The following ADGRB3 variants were observed in gnomAD, a reference collection of about 807,000 sequenced individuals.
ADGRB3 encodes the protein brain-specific angiogenesis inhibitor 3.
Under a neutral mutation model 193.4 loss-of-function variants are expected in ADGRB3, and 37 were observed. The ratio of observed to expected loss-of-function variants is 0.19; its 90% CI spans 0.15 to 0.25. The LOEUF (loss-of-function observed/expected upper bound fraction) is 0.25, where lower values mean the gene tolerates loss of function less well. ADGRB3 is among the 10% of genes least tolerant of loss of function. The probability of loss-of-function intolerance (pLI) is 1.00; values close to 1 mark genes in which losing one functional copy is unlikely to be tolerated. For missense variants in ADGRB3, 1,637 were observed against 1,852.9 expected (o/e 0.88, Z 2.14); for synonymous variants, 690 against 644.2 (o/e 1.07, Z -1.08).
chr6:69,132,314 A>T (rs538812653), intron 17 of ADGRB3, among the ~76,000 whole-genome samples: 1 of 152,272 alleles, frequency 6.6e-6, no homozygotes, highest in South Asian at 2.1e-4. Context: ...AATGATTGCC[A>T]TTCTAACTGG....
intron 20 of ADGRB3, among the ~76,000 whole-genome samples, chr6:69,314,671 C>T (rs551699484): frequency 6.6e-6 from 1 of 151,568 alleles, no homozygotes; most frequent in South Asian, 2.1e-4. Flanking sequence ...CCATAACATC[C>T]AAGGGAAAGA....
chr6:68,843,852 A>C (rs2127388333), intron 3 of ADGRB3, among the ~76,000 whole-genome samples: 1 of 152,214 alleles, frequency 6.6e-6, no homozygotes, highest in South Asian at 2.1e-4. Flanking sequence ...AAAATAGACA[A>C]CTCAGAAACA....
At chr6:68,698,982 G>T (rs1415144056) in intron 3 of ADGRB3, among the ~76,000 whole-genome samples, 1 of 151,958 alleles carries the variant, frequency 6.6e-6, no homozygotes, top group Non-Finnish European at 1.5e-5. Flanking sequence ...CTTCAACACA[G>T]ATTTATCTAA....
intron 3 of ADGRB3, among the ~76,000 whole-genome samples, chr6:68,777,703 G>A (rs1309940300): frequency 1.4e-5 from 2 of 146,296 alleles, no homozygotes; most frequent in Non-Finnish European, 3.0e-5. Context: ...TACTAAACAT[G>A]AGCAGATATG....
intron 13 of ADGRB3, among the ~76,000 whole-genome samples, chr6:69,025,221 T>G (rs555991145): frequency 6.6e-6 from 1 of 152,334 alleles, no homozygotes; most frequent in South Asian, 2.1e-4. Flanking sequence ...GATACAATGT[T>G]GACATCTCCT....
chr6:68,811,894 A>G (rs776319578), intron 3 of ADGRB3, among the ~76,000 whole-genome samples: 3 of 152,244 alleles, frequency 2.0e-5, no homozygotes, highest in African/African-American at 4.8e-5. Flanking sequence ...TATACACACA[A>G]TTAATACATT....
intron 16 of ADGRB3, among the ~76,000 whole-genome samples, chr6:69,074,153 TA>T (rs3837011): frequency 0.74 from 111,442 of 150,664 alleles, 42,426 homozygotes; most frequent in East Asian, 0.96. Flanking sequence ...TCTGATTGCT[TA>T]AAAAAAAAAA....
intron 17 of ADGRB3, among the ~76,000 whole-genome samples, chr6:69,091,057 C>G (rs980832189): frequency 2.6e-5 from 4 of 152,160 alleles, no homozygotes; most frequent in African/African-American, 9.7e-5. Flanking sequence ...CACCATTGAT[C>G]TTTAGAGAAA....
At chr6:69,194,154 T>A (rs1456016742) in intron 17 of ADGRB3, among the ~76,000 whole-genome samples, 1 of 152,064 alleles carries the variant, frequency 6.6e-6, no homozygotes, top group African/African-American at 2.4e-5. Context: ...TAAATTTAAA[T>A]TAATTTTAAT....
chr6:68,661,411 GT>G (rs1768637122), intron 3 of ADGRB3, among the ~76,000 whole-genome samples: 1 of 109,950 alleles, frequency 9.1e-6, no homozygotes, highest in African/African-American at 3.9e-5. Context: ...ATATATATGT[GT>G]GTGTATATAT....
chr6:69,290,531 C>T (rs1460441784), intron 20 of ADGRB3, among the ~76,000 whole-genome samples: 1 of 152,090 alleles, frequency 6.6e-6, no homozygotes, highest in Non-Finnish European at 1.5e-5. Flanking sequence ...AGGATAGCTG[C>T]TTATCAACCC....
At chr6:68,843,729 A>G (rs1206099924) in intron 3 of ADGRB3, among the ~76,000 whole-genome samples, 1 of 152,166 alleles carries the variant, frequency 6.6e-6, no homozygotes, top group African/African-American at 2.4e-5. Flanking sequence ...GTCCTGAGCA[A>G]AAAGAATAAA....
intron 3 of ADGRB3, among the ~76,000 whole-genome samples, chr6:68,658,577 G>T (rs933613575): frequency 2.6e-5 from 4 of 151,148 alleles, no homozygotes; most frequent in Non-Finnish European, 5.9e-5. Context: ...AAAAAATGGA[G>T]TATTGATTTC....
intron 11 of ADGRB3, among the ~76,000 whole-genome samples, chr6:69,012,685 A>G (rs1265443687): frequency 3.9e-5 from 6 of 152,100 alleles, no homozygotes; most frequent in Admixed American, 2.6e-4. Context: ...TGTTTCAACC[A>G]TGTGATTGCC....
At position 69,361,348 on chromosome 6, in the gene ADGRB3, T is replaced by C; in HGVS notation, c.4075T>C (p.Phe1359Leu). 1 of 1,613,028 alleles carries C rather than the reference T, an allele frequency of 6.2e-7. No individual in the cohort carries two copies. Among genetic ancestry groups the C allele is most frequent in the Non-Finnish European group, 8.5e-7 (1 of 1,179,278 alleles). Residue 1359 changes from phenylalanine (F) to leucine (L), a missense_variant, in exon 29 of 32, where the codon TTC becomes CTC. This residue lies in a region of ADGRB3 where 368 missense variants were observed against 367.4 expected (regional missense o/e 1.00). Coordinates refer to ENST00000370598, the MANE Select transcript of ADGRB3 (RefSeq NM_001704.3). ...TATGAATCCCCCTGTAATGGACCAG[T>C]TCAATATGAACTTAGAGCAACATCT... ...FNMNPPVMDQ[F>L]NMNLEQHLAP...
chr6:68,792,325 G>A (rs980903470), intron 3 of ADGRB3, among the ~76,000 whole-genome samples: 1 of 152,202 alleles, frequency 6.6e-6, no homozygotes, highest in Non-Finnish European at 1.5e-5. Context: ...CCGAACAGTA[G>A]AGAAGTCATC....
chr6:68,880,734 A>C (rs1035357018), intron 3 of ADGRB3, among the ~76,000 whole-genome samples: 21 of 151,628 alleles, frequency 1.4e-4, no homozygotes, highest in Non-Finnish European at 2.9e-4. Context: ...GAGCATCTCC[A>C]GGAAAAAAGC....
intron 11 of ADGRB3, among the ~76,000 whole-genome samples, chr6:69,010,908 A>G (rs947689648): frequency 4.6e-5 from 7 of 152,086 alleles, no homozygotes; most frequent in African/African-American, 1.4e-4. Flanking sequence ...GAGAACTATT[A>G]TCACCATTAA....
intron 30 of ADGRB3, among the ~76,000 whole-genome samples, chr6:69,373,099 C>T (rs939964391): frequency 6.6e-6 from 1 of 151,886 alleles, no homozygotes; most frequent in Non-Finnish European, 1.5e-5. Context: ...ATGCTAAATA[C>T]AAAATTAATG....
Sources: allele counts gnomAD v4.1 joint callset (sites outside exome capture counted in the v4.1 genomes callset), GRCh38; gene constraint gnomAD v4.1.1; regional missense constraint gnomAD v4.1.1; transcripts MANE v1.5; gene names NCBI Gene and HGNC (gene_info 2026-07-23, HGNC 2026-07-21).